Variants in DLGAP2 observed in about 807,000 individuals in gnomAD.
DLGAP2 encodes the protein disks large-associated protein 2.
DLGAP2 carries 26 observed loss-of-function variants against 100.3 expected under a neutral mutation model. The ratio of observed to expected loss-of-function variants is 0.26; its 90% CI spans 0.19 to 0.36. The LOEUF (loss-of-function observed/expected upper bound fraction) is 0.36, where lower values mean the gene tolerates loss of function less well. DLGAP2 is among the 10% of genes least tolerant of loss of function. The pLI is 1.00. For synonymous variants in DLGAP2, 886 were observed against 630.1 expected, an observed-to-expected ratio of 1.41 and a Z score of -6.08; for missense variants, 1,858 against 1,453.2, an observed-to-expected ratio of 1.28 and a Z score of -4.53.
intron 3 of DLGAP2, among the ~76,000 whole-genome samples, chr8:1,364,582 A>G (rs1416497770): frequency 6.6e-6 from 1 of 152,068 alleles, no homozygotes; most frequent in Non-Finnish European, 1.5e-5. Flanking sequence ...CCATTCCCTC[A>G]TCTTCGCAGC....
At chr8:1,157,620 C>A (rs560010081) in intron 2 of DLGAP2, among the ~76,000 whole-genome samples, 1 of 152,122 alleles carries the variant, frequency 6.6e-6, no homozygotes. Context: ...TGGGGCTGTT[C>A]TCACCTGTGT....
intron 8 of DLGAP2, among the ~76,000 whole-genome samples, chr8:1,664,402 T>G (rs1482874980): frequency 1.3e-5 from 2 of 152,058 alleles, no homozygotes; most frequent in Non-Finnish European, 2.9e-5. Flanking sequence ...TCAACCCCAG[T>G]CTCTCTCTGG....
intron 3 of DLGAP2, among the ~76,000 whole-genome samples, chr8:1,453,316 G>A (rs1449078207): frequency 6.6e-6 from 1 of 152,048 alleles, no homozygotes; most frequent in Non-Finnish European, 1.5e-5. Context: ...TCACCAAGTG[G>A]GAGAAAAAGT....
At chr8:885,254 A>T (rs927762646) in intron 1 of DLGAP2, among the ~76,000 whole-genome samples, 1 of 152,222 alleles carries the variant, frequency 6.6e-6, no homozygotes, top group Non-Finnish European at 1.5e-5. Flanking sequence ...CTTCCTATCC[A>T]TGAGGATGGA....
intron 2 of DLGAP2, among the ~76,000 whole-genome samples, chr8:1,059,298 C>T (rs1023635309): frequency 2.0e-5 from 3 of 151,570 alleles, no homozygotes; most frequent in African/African-American, 7.3e-5. Context: ...TCCTGGGACC[C>T]CTGCATCCCC....
chr8:745,591 C>T (rs1007243310), intron 1 of DLGAP2, among the ~76,000 whole-genome samples: 6 of 152,168 alleles, frequency 3.9e-5, no homozygotes, highest in African/African-American at 1.4e-4. Flanking sequence ...GGAAACTTTT[C>T]CTAAGGAAAT....
At chr8:1,188,382 A>T (rs1308429954) in intron 2 of DLGAP2, among the ~76,000 whole-genome samples, 4 of 122,454 alleles carry the variant, frequency 3.3e-5, no homozygotes, top group Non-Finnish European at 3.2e-5. Flanking sequence ...ACGGAATCTC[A>T]CACACCCGGG....
At chr8:1,174,339 T>G (rs1385161022) in intron 2 of DLGAP2, among the ~76,000 whole-genome samples, 1 of 151,484 alleles carries the variant, frequency 6.6e-6, no homozygotes, top group Non-Finnish European at 1.5e-5. Context: ...ATCATTACCA[T>G]TACCACCATC....
intron 1 of DLGAP2, among the ~76,000 whole-genome samples, chr8:903,957 A>G (rs1282367872): frequency 1.3e-5 from 2 of 152,224 alleles, no homozygotes; most frequent in African/African-American, 4.8e-5. Context: ...GGGAGGCATC[A>G]GGGAGGGTGA....
chr8:1,291,408 A>G (rs184688924), intron 3 of DLGAP2, among the ~76,000 whole-genome samples: 36 of 152,268 alleles, frequency 2.4e-4, no homozygotes, highest in Admixed American at 5.9e-4. Context: ...CAATTTCTAC[A>G]TGTGAGAGTG....
chr8:1,038,148 C>T (rs139009828), intron 2 of DLGAP2, among the ~76,000 whole-genome samples: 1 of 152,324 alleles, frequency 6.6e-6, no homozygotes, highest in African/African-American at 2.4e-5. Flanking sequence ...GAGTCGCTAC[C>T]TGTGTGTTTC....
At chr8:840,404 G>A (rs1176277600) in intron 1 of DLGAP2, among the ~76,000 whole-genome samples, 3 of 127,150 alleles carry the variant, frequency 2.4e-5, no homozygotes, top group African/African-American at 6.2e-5. Context: ...CTGCGAGCGC[G>A]TCCACATGGT....
chr8:1,284,654 C>G (rs1004700007), intron 3 of DLGAP2, among the ~76,000 whole-genome samples: 1 of 152,172 alleles, frequency 6.6e-6, no homozygotes, highest in East Asian at 1.9e-4. Context: ...TATTATTTTG[C>G]TCTGTCACCC....
chr8:1,324,852 A>G (rs1218865873), intron 3 of DLGAP2, among the ~76,000 whole-genome samples: 4 of 152,196 alleles, frequency 2.6e-5, no homozygotes, highest in African/African-American at 9.6e-5. Flanking sequence ...TACGGAGCTG[A>G]TTTGTTTTCT....
At chr8:891,877 T>G (rs942699824) in intron 1 of DLGAP2, among the ~76,000 whole-genome samples, 2 of 152,134 alleles carry the variant, frequency 1.3e-5, no homozygotes, top group Non-Finnish European at 2.9e-5. Flanking sequence ...GAGCTTCCAC[T>G]GCTGCAGGGA....
At chr8:1,126,594 G>A (rs1175962348) in intron 2 of DLGAP2, among the ~76,000 whole-genome samples, 1 of 152,128 alleles carries the variant, frequency 6.6e-6, no homozygotes, top group Non-Finnish European at 1.5e-5. Context: ...TGTGGGAGGT[G>A]CTGTGCTGCT....
intron 2 of DLGAP2, among the ~76,000 whole-genome samples, chr8:1,190,409 TGTTGGGGCATCTGC>T: frequency 2.7e-5 from 1 of 37,518 alleles, no homozygotes; most frequent in African/African-American, 9.4e-5. Flanking sequence ...GGGCATCTGC[TGTTGGGGCATCTGC>T]TGTTGGGGCA....
intron 2 of DLGAP2, among the ~76,000 whole-genome samples, chr8:1,205,880 C>T (rs1446854386): frequency 6.6e-6 from 1 of 152,126 alleles, no homozygotes; most frequent in African/African-American, 2.4e-5. Flanking sequence ...CAGCCAAGTG[C>T]AGTGGCACCT....
intron 2 of DLGAP2, among the ~76,000 whole-genome samples, chr8:1,041,587 T>C (rs1402510358): frequency 6.9e-6 from 1 of 145,596 alleles, no homozygotes; most frequent in Non-Finnish European, 1.5e-5. Context: ...TCCGAACCCC[T>C]TGCCGTGGGT....
Sources: allele counts gnomAD v4.1 joint callset (sites outside exome capture counted in the v4.1 genomes callset), GRCh38; gene constraint gnomAD v4.1.1; transcripts MANE v1.5; gene names NCBI Gene and HGNC (gene_info 2026-07-23, HGNC 2026-07-21).